Variants in EPHA6 observed in about 807,000 individuals in gnomAD.
The protein encoded by EPHA6 is ephrin type-A receptor 6.
Under a neutral mutation model 112.0 loss-of-function variants are expected in EPHA6, and 50 were observed. The observed-to-expected ratio is 0.45, with a 90% CI of 0.36 to 0.56. The LOEUF is 0.56. Among genes scored for constraint, EPHA6 ranks in the 20% least tolerant of loss-of-function variants. The pLI, the probability that EPHA6 is intolerant of heterozygous loss-of-function variation, is 0.00. For synonymous variants in EPHA6, 529 were observed against 490.7 expected, an observed-to-expected ratio of 1.08 and a Z score of -1.03; for missense variants, 1,280 against 1,417.4, an observed-to-expected ratio of 0.90 and a Z score of 1.56.
chr3:97,742,860 A>C (rs1576389406), intron 16 of EPHA6, among the ~76,000 whole-genome samples: 2 of 152,310 alleles, frequency 1.3e-5, no homozygotes, highest in East Asian at 1.9e-4. Flanking sequence ...TTCCAAGGGT[A>C]TGTACATAGT....
intron 2 of EPHA6, among the ~76,000 whole-genome samples, chr3:96,959,965 G>A (rs6774507): frequency 0.013 from 2,043 of 152,138 alleles, 49 homozygotes; most frequent in African/African-American, 0.045. Context: ...AAAAGAGAAA[G>A]TGCCAAAAAG....
At chr3:97,440,724 G>A (rs916369552) in intron 6 of EPHA6, among the ~76,000 whole-genome samples, 16 of 151,434 alleles carry the variant, frequency 1.1e-4, no homozygotes, top group African/African-American at 3.6e-4. Flanking sequence ...AAATTAGAAG[G>A]AATGAGCAAG....
At chr3:97,665,145 A>G (rs555972928) in intron 14 of EPHA6, among the ~76,000 whole-genome samples, 1 of 152,326 alleles carries the variant, frequency 6.6e-6, no homozygotes, top group East Asian at 1.9e-4. Flanking sequence ...AACAGAACAG[A>G]GCCCTCAGAA....
chr3:96,897,182 A>G (rs2038320758), intron 2 of EPHA6, among the ~76,000 whole-genome samples: 1 of 149,482 alleles, frequency 6.7e-6, no homozygotes, highest in Non-Finnish European at 1.5e-5. Flanking sequence ...ACATATGCAC[A>G]TATATATCTA....
intron 7 of EPHA6, among the ~76,000 whole-genome samples, chr3:97,457,569 C>T (rs2090729167): frequency 6.6e-6 from 1 of 151,890 alleles, no homozygotes; most frequent in African/African-American, 2.4e-5. Context: ...ATAAAAACAT[C>T]GTTTGAAAGA....
At position 97,132,129 on chromosome 3, in the gene EPHA6, G is replaced by GTACA. The variant is rs563169687; in HGVS notation, c.1115-94132_1115-94129dup. ...GTTTGATAATAAAAACAACAAATAT[G>GTACA]TACATATGTATTGTAAAATTACAGC... On this transcript the variant is annotated intron_variant, in intron 3 of 17. Coordinates refer to ENST00000389672, the MANE Select transcript of EPHA6 (RefSeq NM_001080448.3). 5.9e-4 allele frequency among the ~76,000 whole-genome samples: 89 copies of GTACA among 152,080 alleles called. No individual in the cohort carries two copies. The Middle Eastern group carries it at 0.014, about 23-fold the overall frequency.
intron 5 of EPHA6, among the ~76,000 whole-genome samples, chr3:97,343,101 A>G (rs1281665745): frequency 6.6e-6 from 1 of 152,206 alleles, no homozygotes; most frequent in East Asian, 1.9e-4. Flanking sequence ...TCAAGGTAAA[A>G]AGAAGAAAGC....
At chr3:97,486,264 C>T (rs1230951465) in intron 10 of EPHA6, among the ~76,000 whole-genome samples, 1 of 152,126 alleles carries the variant, frequency 6.6e-6, no homozygotes, top group Non-Finnish European at 1.5e-5. Flanking sequence ...ATTGTTTCAG[C>T]TTTCAAACAA....
intron 15 of EPHA6, among the ~76,000 whole-genome samples, chr3:97,725,718 G>T (rs1049307893): frequency 7.2e-5 from 11 of 152,060 alleles, no homozygotes; most frequent in African/African-American, 2.4e-4. Flanking sequence ...AGCACATTTA[G>T]CAGCATACTC....
chr3:97,294,214 C>T (rs1230911967), intron 5 of EPHA6, among the ~76,000 whole-genome samples: 2 of 152,280 alleles, frequency 1.3e-5, no homozygotes, highest in Admixed American at 1.3e-4. Context: ...GGGCAGGGCT[C>T]CCACCTTTTC....
chr3:97,589,522 G>C (rs1429865029), intron 11 of EPHA6, among the ~76,000 whole-genome samples: 1 of 151,396 alleles, frequency 6.6e-6, no homozygotes, highest in African/African-American at 2.4e-5. Flanking sequence ...CTAGCATTTT[G>C]AGAAATAATT....
chr3:96,941,731 A>C (rs2040962081), intron 2 of EPHA6, among the ~76,000 whole-genome samples: 1 of 151,758 alleles, frequency 6.6e-6, no homozygotes, highest in Non-Finnish European at 1.5e-5. Flanking sequence ...TTGTGGTTTT[A>C]TCTTGTTTTG....
chr3:97,703,947 G>A (rs939755453), intron 14 of EPHA6, among the ~76,000 whole-genome samples: 1 of 152,044 alleles, frequency 6.6e-6, no homozygotes, highest in African/African-American at 2.4e-5. Context: ...AAAGCAAAAT[G>A]AACAAAACAA....
chr3:97,252,324 C>T (rs939570870), intron 5 of EPHA6, among the ~76,000 whole-genome samples: 32 of 152,244 alleles, frequency 2.1e-4, no homozygotes, highest in African/African-American at 7.5e-4. Flanking sequence ...CACCAGTGGT[C>T]TTCAAATCTC....
Position 97,486,715 on chromosome 3 carries a change from C to G in EPHA6, c.2200+2656C>G, listed in dbSNP as rs569716052. Reference sequence around the variant, plus strand: ...ACAGTTGTATTAAGGATTAAGTTTCCAGTGTGTGCACTTGAGGGGACACAT... The same window carrying G: ...ACAGTTGTATTAAGGATTAAGTTTCGAGTGTGTGCACTTGAGGGGACACAT... On this transcript the variant is annotated intron_variant, in intron 10 of 17. Coordinates refer to ENST00000389672, the MANE Select transcript of EPHA6 (RefSeq NM_001080448.3). Among the ~76,000 whole-genome samples the G allele has an allele frequency of 2.0e-5, 3 of 152,268 alleles. No homozygotes were observed. In the South Asian group the frequency reaches 6.2e-4, roughly 32 times the overall value.
chr3:97,623,298 T>C (rs1167290360), intron 13 of EPHA6, among the ~76,000 whole-genome samples: 3 of 151,742 alleles, frequency 2.0e-5, no homozygotes, highest in Non-Finnish European at 4.4e-5. Context: ...TAGGTAAAGA[T>C]TGAACTTCAT....
At chr3:97,382,267 T>C in intron 5 of EPHA6, among the ~76,000 whole-genome samples, 1 of 152,040 alleles carries the variant, frequency 6.6e-6, no homozygotes, top group East Asian at 1.9e-4. Flanking sequence ...TCATGAATTC[T>C]CTACTAAAAG....
intron 3 of EPHA6, among the ~76,000 whole-genome samples, chr3:97,178,635 G>T (rs544461657): frequency 6.6e-6 from 1 of 152,140 alleles, no homozygotes; most frequent in South Asian, 2.1e-4. Flanking sequence ...TATGATTAAA[G>T]TTTTTTCCTT....
chr3:97,298,169 GA>G (rs2108706097), intron 5 of EPHA6, among the ~76,000 whole-genome samples: 1 of 152,260 alleles, frequency 6.6e-6, no homozygotes, highest in South Asian at 2.1e-4. Context: ...CCTTATGTAA[GA>G]GTTTAATGTT....
Sources: gnomAD v4.1 joint callset for allele counts (sites outside exome capture counted in the v4.1 genomes callset) on GRCh38, gnomAD v4.1.1 for gene constraint, MANE v1.5 for transcripts, NCBI Gene and HGNC (gene_info 2026-07-23, HGNC 2026-07-21) for gene names.